Variants in RBFOX1 observed in about 807,000 individuals in gnomAD.
RBFOX1 encodes RNA binding fox-1 homolog 1.
In RBFOX1, 8 loss-of-function variants were observed where a neutral mutation model predicts 57.7. The observed-to-expected ratio is 0.14, with a 90% CI of 0.08 to 0.25. The LOEUF (loss-of-function observed/expected upper bound fraction) is 0.25, where lower values mean the gene tolerates loss of function less well. RBFOX1 is among the 10% of genes least tolerant of loss of function. The probability of loss-of-function intolerance (pLI) is 1.00; values close to 1 mark genes in which losing one functional copy is unlikely to be tolerated. For missense variants in RBFOX1, 611 were observed against 548.5 expected, an observed-to-expected ratio of 1.11 and a Z score of -1.14; for synonymous variants, 326 against 222.4, an observed-to-expected ratio of 1.47 and a Z score of -4.15.
chr16:6,458,452 C>T (rs570272448), intron 2 of RBFOX1, among the ~76,000 whole-genome samples: 147 of 152,280 alleles, frequency 9.7e-4, no homozygotes, highest in African/African-American at 3.2e-3. Context: ...AGAACATTCA[C>T]GGAAAGAGCT....
chr16:6,285,615 G>C (rs2076825253), intron 1 of RBFOX1, among the ~76,000 whole-genome samples: 2 of 152,240 alleles, frequency 1.3e-5, no homozygotes, highest in African/African-American at 2.4e-5. Context: ...CTGGTGAGAG[G>C]TTTGCTTTTT....
At chr16:6,213,446 T>C (rs62016045) in intron 1 of RBFOX1, among the ~76,000 whole-genome samples, 5,770 of 152,218 alleles carry the variant, frequency 0.038, 158 homozygotes, top group Middle Eastern at 0.18. Flanking sequence ...GAAAACCTCC[T>C]AGACAGCTGC....
At chr16:5,328,013 G>A (rs2064634082) in intron 1 of RBFOX1, among the ~76,000 whole-genome samples, 1 of 152,146 alleles carries the variant, frequency 6.6e-6, no homozygotes, top group Non-Finnish European at 1.5e-5. Flanking sequence ...TGAAGACCCC[G>A]TGTAGTGACT....
intron 3 of RBFOX1, among the ~76,000 whole-genome samples, chr16:6,722,121 A>G (rs377659098): frequency 6.6e-6 from 1 of 152,168 alleles, no homozygotes; most frequent in East Asian, 1.9e-4. Flanking sequence ...GGTTGCACAG[A>G]TATCTCTCTG....
At chr16:6,381,086 G>A (rs1347383502) in intron 2 of RBFOX1, among the ~76,000 whole-genome samples, 4 of 152,170 alleles carry the variant, frequency 2.6e-5, no homozygotes, top group Non-Finnish European at 4.4e-5. Context: ...GGGGATTTGG[G>A]AAGTTTTTGG....
chr16:6,166,836 C>T (rs112333782), intron 1 of RBFOX1, among the ~76,000 whole-genome samples: 3 of 152,186 alleles, frequency 2.0e-5, no homozygotes, highest in South Asian at 2.1e-4. Context: ...TGCAGTGCCT[C>T]CATTTCGGCT....
intron 4 of RBFOX1, among the ~76,000 whole-genome samples, chr16:7,395,248 A>C (rs933195498): frequency 2.0e-5 from 3 of 152,096 alleles, no homozygotes; most frequent in Non-Finnish European, 2.9e-5. Flanking sequence ...CTTAGGTGAC[A>C]GAATTGCTCT....
chr16:6,754,564 C>T (rs777766534), intron 3 of RBFOX1, among the ~76,000 whole-genome samples: 2 of 152,118 alleles, frequency 1.3e-5, no homozygotes, highest in Non-Finnish European at 2.9e-5. Context: ...GAATTTCTCT[C>T]TACAAATTGG....
chr16:6,951,237 GGCAT>G (rs2080694604), intron 3 of RBFOX1, among the ~76,000 whole-genome samples: 2 of 152,020 alleles, frequency 1.3e-5, no homozygotes, highest in South Asian at 4.2e-4. Flanking sequence ...GTTAAGAAAA[GGCAT>G]GTGAGTGAAA....
intron 4 of RBFOX1, among the ~76,000 whole-genome samples, chr16:7,297,278 A>T (rs1229885075): frequency 6.6e-6 from 1 of 152,170 alleles, no homozygotes; most frequent in East Asian, 1.9e-4. Context: ...ACCCTGTGAG[A>T]TGGGTAATTG....
intron 3 of RBFOX1, among the ~76,000 whole-genome samples, chr16:6,955,715 A>G (rs1473558674): frequency 1.3e-5 from 2 of 151,502 alleles, no homozygotes; most frequent in East Asian, 3.9e-4. Flanking sequence ...TTATTTATTT[A>G]TTTTTGAGAG....
At chr16:6,202,326 G>C (rs1219982272) in intron 1 of RBFOX1, among the ~76,000 whole-genome samples, 1 of 152,154 alleles carries the variant, frequency 6.6e-6, no homozygotes, top group African/African-American at 2.4e-5. Context: ...TGATTGCTCT[G>C]AGAGATTTGC....
chr16:7,522,758 A>G (rs1053113529), intron 5 of RBFOX1, among the ~76,000 whole-genome samples: 1 of 152,248 alleles, frequency 6.6e-6, no homozygotes, highest in Non-Finnish European at 1.5e-5. Context: ...GAAGTGTTTT[A>G]TAGGCGATAA....
chr16:5,850,882 G>A (rs1465707269), intron 3 of RBFOX1, among the ~76,000 whole-genome samples: 1 of 152,222 alleles, frequency 6.6e-6, no homozygotes, highest in Non-Finnish European at 1.5e-5. Flanking sequence ...GAGAAGTGAT[G>A]AAGGATGGCT....
chr16:6,081,990 T>G (rs1408083304), intron 1 of RBFOX1, among the ~76,000 whole-genome samples: 2 of 152,160 alleles, frequency 1.3e-5, no homozygotes, highest in African/African-American at 4.8e-5. Flanking sequence ...GGTTAATATT[T>G]TGAGTGTGGA....
At chr16:5,510,831 C>G (rs993193000) in intron 2 of RBFOX1, among the ~76,000 whole-genome samples, 1 of 152,076 alleles carries the variant, frequency 6.6e-6, no homozygotes, top group Non-Finnish European at 1.5e-5. Flanking sequence ...CAGCCCTCCA[C>G]CCATTAGATG....
At chr16:6,915,663 G>A (rs960456354) in intron 3 of RBFOX1, among the ~76,000 whole-genome samples, 1 of 149,078 alleles carries the variant, frequency 6.7e-6, no homozygotes, top group Non-Finnish European at 1.5e-5. Flanking sequence ...TGATCCTCCT[G>A]CCTCAGCCTT....
At chr16:6,092,690 G>A (rs1459800530) in intron 1 of RBFOX1, 1 of 152,188 alleles carries the variant, frequency 6.6e-6, no homozygotes, top group Admixed American at 6.5e-5. Context: ...TCGAAGATCA[G>A]ATGGTTATTG....
intron 1 of RBFOX1, among the ~76,000 whole-genome samples, chr16:5,408,163 G>A (rs979081459): frequency 3.3e-5 from 5 of 152,256 alleles, no homozygotes; most frequent in African/African-American, 1.2e-4. Context: ...GCTGCTCGTG[G>A]TGTTTGAATG....
Sources: gnomAD v4.1 joint callset for allele counts (sites outside exome capture counted in the v4.1 genomes callset) on GRCh38, gnomAD v4.1.1 for gene constraint, MANE v1.5 for transcripts, NCBI Gene and HGNC (gene_info 2026-07-23, HGNC 2026-07-21) for gene names.